The following ASTN2 variants were observed in gnomAD, a reference collection of about 807,000 sequenced individuals.
ASTN2 encodes the protein astrotactin 2, also known as astrotactin-2.
ASTN2 carries 54 observed loss-of-function variants against 139.8 expected under a neutral mutation model. That is an observed-to-expected ratio of 0.39 (90% CI 0.31 to 0.48). The LOEUF (loss-of-function observed/expected upper bound fraction) is 0.48, where lower values mean the gene tolerates loss of function less well. Ranked by LOEUF, ASTN2 falls within the 20% of genes least tolerant of loss-of-function variation. The pLI is 0.95. For missense variants in ASTN2, 1,565 were observed against 1,725.1 expected, an observed-to-expected ratio of 0.91 and a Z score of 1.64; for synonymous variants, 756 against 719.5, an observed-to-expected ratio of 1.05 and a Z score of -0.81.
chr9:117,027,111 G>A (rs966514678), intron 6 of ASTN2, among the ~76,000 whole-genome samples: 1 of 152,162 alleles, frequency 6.6e-6, no homozygotes, highest in African/African-American at 2.4e-5. Context: ...TGAAAGGACG[G>A]TGATGGCAAT....
intron 6 of ASTN2, among the ~76,000 whole-genome samples, chr9:117,034,539 G>C (rs1838330375): frequency 6.6e-6 from 1 of 152,114 alleles, no homozygotes; most frequent in South Asian, 2.1e-4. Flanking sequence ...GTCTGAAGAA[G>C]TGATCACATA....
intron 16 of ASTN2, among the ~76,000 whole-genome samples, chr9:116,690,029 C>T (rs1219247744): frequency 1.3e-5 from 2 of 152,184 alleles, no homozygotes; most frequent in East Asian, 3.9e-4. Context: ...TTGCTGAAGC[C>T]AGTTCAGAAA....
At chr9:116,682,970 T>C (rs1169630229) in intron 16 of ASTN2, among the ~76,000 whole-genome samples, 2 of 151,274 alleles carry the variant, frequency 1.3e-5, no homozygotes, top group Non-Finnish European at 2.9e-5. Context: ...GGCACATGTA[T>C]ACATAGGTAA....
chr9:116,904,700 T>C (rs905303912), intron 10 of ASTN2, among the ~76,000 whole-genome samples: 3 of 152,240 alleles, frequency 2.0e-5, no homozygotes, highest in Non-Finnish European at 2.9e-5. Flanking sequence ...TTAATCCACC[T>C]GTTGAATGGT....
At chr9:116,627,399 C>T (rs1455685141) in intron 17 of ASTN2, among the ~76,000 whole-genome samples, 2 of 152,152 alleles carry the variant, frequency 1.3e-5, no homozygotes, top group Non-Finnish European at 2.9e-5. Context: ...GAAGCTGGTC[C>T]TCACAACTCT....
At chr9:116,711,469 C>T (rs964908498) in intron 16 of ASTN2, among the ~76,000 whole-genome samples, 3 of 152,186 alleles carry the variant, frequency 2.0e-5, no homozygotes, top group Non-Finnish European at 2.9e-5. Context: ...TTTTCTATGA[C>T]TTCAATCATG....
At chr9:117,004,085 T>C (rs1837287237) in intron 7 of ASTN2, among the ~76,000 whole-genome samples, 4 of 151,936 alleles carry the variant, frequency 2.6e-5, no homozygotes, top group Non-Finnish European at 4.4e-5. Context: ...AGAGCTGTGT[T>C]ACATTTTCAC....
Position 117,414,308 on chromosome 9 carries a change from C to G in ASTN2, c.442+189G>C, listed in dbSNP as rs1831260679. On this transcript the variant is annotated intron_variant, in intron 1 of 22. Transcript: ENST00000313400. The surrounding 1 kb of genome is among the most constrained non-coding windows in gnomAD (Gnocchi z 4.2). Reference sequence around the variant, plus strand: ...CACGCCCCCAGGCTCCCGCCGCGCGCTCTCCAGGACCTCCTCCCACATGCT... The same window carrying G: ...CACGCCCCCAGGCTCCCGCCGCGCGGTCTCCAGGACCTCCTCCCACATGCT... Among the ~76,000 whole-genome samples the G allele has an allele frequency of 1.3e-5, 2 of 152,148 alleles. No individual in the cohort carries two copies. The highest frequency in any genetic ancestry group is 4.8e-5 in the African/African-American group (2 of 41,446).
At chr9:116,851,899 A>T (rs774750805) in intron 11 of ASTN2, among the ~76,000 whole-genome samples, 3 of 152,102 alleles carry the variant, frequency 2.0e-5, no homozygotes, top group Non-Finnish European at 4.4e-5. Context: ...CCCCTCTGGA[A>T]CCAAGTACAT....
intron 19 of ASTN2, among the ~76,000 whole-genome samples, chr9:116,523,350 A>G (rs1166781166): frequency 6.6e-6 from 1 of 152,162 alleles, no homozygotes; most frequent in Non-Finnish European, 1.5e-5. Flanking sequence ...ATTTTGATCA[A>G]AAGGAAAGAC....
At chr9:116,653,971 A>G (rs959376462) in intron 16 of ASTN2, among the ~76,000 whole-genome samples, 1 of 152,250 alleles carries the variant, frequency 6.6e-6, no homozygotes, top group African/African-American at 2.4e-5. Flanking sequence ...AAGGCATCCC[A>G]GCAGCTAGAG....
At chr9:117,321,607 T>C (rs1828326439) in intron 1 of ASTN2, among the ~76,000 whole-genome samples, 1 of 149,458 alleles carries the variant, frequency 6.7e-6, no homozygotes, top group African/African-American at 2.5e-5. Flanking sequence ...ACAGGAGGGG[T>C]CACCATGGTG....
At chr9:116,568,382 G>T (rs1365172248) in intron 19 of ASTN2, 1 of 151,896 alleles carries the variant, frequency 6.6e-6, no homozygotes, top group East Asian at 1.9e-4. Context: ...CTTTTTTTAG[G>T]AGATGTTAAG....
At chr9:116,587,577 T>C (rs1019289220) in intron 19 of ASTN2, among the ~76,000 whole-genome samples, 1 of 152,130 alleles carries the variant, frequency 6.6e-6, no homozygotes, top group Non-Finnish European at 1.5e-5. Context: ...GGGATAATGA[T>C]ATAAGCTTCC....
intron 13 of ASTN2, among the ~76,000 whole-genome samples, chr9:116,757,949 CA>C (rs1182186293): frequency 5.6e-4 from 85 of 152,064 alleles, no homozygotes; most frequent in Non-Finnish European, 9.4e-4. Flanking sequence ...GATATAATGA[CA>C]GGTGTTTGAT....
chr9:116,895,730 G>A (rs1286421460), intron 10 of ASTN2, among the ~76,000 whole-genome samples: 2 of 152,108 alleles, frequency 1.3e-5, no homozygotes, highest in African/African-American at 2.4e-5. Context: ...TACTGATCAG[G>A]GTGAACTGAA....
At chr9:117,404,586 A>G (rs566542518) in intron 1 of ASTN2, among the ~76,000 whole-genome samples, 65 of 152,350 alleles carry the variant, frequency 4.3e-4, no homozygotes, top group African/African-American at 1.4e-3. Flanking sequence ...TAGATCCCAC[A>G]TTCAAGGAGG....
At chr9:116,950,822 C>T (rs568231361) in intron 10 of ASTN2, among the ~76,000 whole-genome samples, 8 of 152,320 alleles carry the variant, frequency 5.3e-5, no homozygotes, top group Admixed American at 3.9e-4. Context: ...GTCATAGCAC[C>T]TGATTCCCCT....
intron 4 of ASTN2, among the ~76,000 whole-genome samples, chr9:117,107,761 C>T (rs567514736): frequency 6.6e-6 from 1 of 152,218 alleles, no homozygotes; most frequent in Non-Finnish European, 1.5e-5. Context: ...TCCTTGTTGA[C>T]ATGCACTGCA....
Sources: gnomAD v4.1 joint callset for allele counts (sites outside exome capture counted in the v4.1 genomes callset) on GRCh38, gnomAD v4.1.1 for gene constraint, Gnocchi (gnomAD v3.1) non-coding constraint, MANE v1.5 for transcripts, NCBI Gene and HGNC (gene_info 2026-07-23, HGNC 2026-07-21) for gene names.